BEST2: variants seen among roughly 807,000 people sequenced by gnomAD.
The protein encoded by BEST2 is bestrophin-2a.
BEST2 carries 36 observed loss-of-function variants against 49.0 expected under a neutral mutation model. The ratio of observed to expected loss-of-function variants is 0.73; its 90% confidence interval spans 0.56 to 0.97. The LOEUF (loss-of-function observed/expected upper bound fraction) is 0.97. Ranked by LOEUF, BEST2 falls within the 50% of genes least tolerant of loss-of-function variation. The pLI, the probability that BEST2 is intolerant of heterozygous loss-of-function variation, is 0.00. For missense variants in BEST2, 672 were observed against 710.0 expected, an observed-to-expected ratio of 0.95 and a Z score of 0.61; for synonymous variants, 335 against 304.4, an observed-to-expected ratio of 1.10 and a Z score of -1.05.
chr19:12,757,524 G>T, intron 9 of BEST2, 127 bp from the exon 10 acceptor site: 1 of 1,064,106 alleles, frequency 9.4e-7, no homozygotes, highest in Non-Finnish European at 1.3e-6. Flanking sequence ...TCTGGGTTTA[G>T]GAGCTAAGAT....
Position 12,758,068 on chromosome 19 carries a change from T to C in BEST2, c.1521T>C (p.Asn507=), listed in dbSNP as rs767983168. 20 of 1,612,828 alleles carry C rather than the reference T, an allele frequency of 1.2e-5. No individual in the cohort carries two copies. The highest frequency in any genetic ancestry group is 1.7e-5 in the Non-Finnish European group (20 of 1,179,820). The change falls in exon 10 of 10, where the codon AAT becomes AAC. Residue 507 remains asparagine (N), a synonymous_variant. Coordinates refer to ENST00000553030, the MANE Select transcript of BEST2 (RefSeq NM_017682.3). ...LPSPIGEEEE[N]LA ...GCCCTATTGGCGAGGAGGAGGAGAA[T>C]CTGGCCTGAGATCTTAGAGCCCAGC...
intron 3 of BEST2, among the ~76,000 whole-genome samples, 173 bp from the exon 4 acceptor site, chr19:12,754,379 T>C (rs1967909354): frequency 6.6e-6 from 1 of 152,080 alleles, no homozygotes; most frequent in Admixed American, 6.5e-5. Flanking sequence ...GCAACTGTCC[T>C]TTCTGACCTC....
rs1031229073 is a variant in BEST2 at position 12,755,257 on chromosome 19, C to T, written c.637-122C>T. 4 of 1,139,832 alleles carry T rather than the reference C, an allele frequency of 3.5e-6. No individual in the cohort carries two copies. In the African/African-American group the frequency reaches 4.6e-5, roughly 13 times the overall value. The allele number at this position is 1,139,832 out of a possible 1,614,324, so 70.6% of individuals were successfully genotyped here. ...TCACCACCAAATACCCTCCCTGGAA[C>T]CCCCAAAGCACACTCCCAATTCCCA... On this transcript the variant is annotated intron_variant, in intron 5 of 9. Transcript: ENST00000553030. The surrounding 1 kb of genome is among the most constrained non-coding windows in gnomAD (Gnocchi z 4.4).
rs147426341 is a variant in BEST2 at position 12,757,036 on chromosome 19, G to A, written c.1104-615G>A. Among the ~76,000 whole-genome samples, 828 of 151,936 alleles carry A rather than the reference G, an allele frequency of 5.4e-3. 7 individuals carry two copies. The highest frequency in any genetic ancestry group is 0.019 in the African/African-American group (796 of 41,410). On this transcript the variant is annotated intron_variant, in intron 9 of 9. Coordinates refer to ENST00000553030, the MANE Select transcript of BEST2 (RefSeq NM_017682.3). ...CTCACGCCTGTAATCCCAGCTAATC[G>A]GGAGGCTGAGGCAGGAGAATCACTT...
In BEST2 at chr19:12,753,361, T is replaced by C; in HGVS notation, c.247+7T>C. On this transcript the variant is annotated splice_region_variant and intron_variant, in intron 3 of 9. Transcript: ENST00000553030. ...CCTGTCTCCTTCGTGCTTGGTGCGG[T>C]CCAACCCCAAGTCCCCCGTTCCCAT... 1 of 1,613,500 alleles carries C rather than the reference T, an allele frequency of 6.2e-7. No homozygotes were observed. Among genetic ancestry groups the C allele is most frequent in the Non-Finnish European group, 8.5e-7 (1 of 1,179,506 alleles).
At position 12,754,728 on chromosome 19, in the gene BEST2, TC is replaced by T; in HGVS notation, c.426del (p.Val143SerfsTer12). ...AGLSAVLILR[S>X]VSTAVFKRFP... ...GCTCTCGGCCGTGCTCATCCTGCGCTCCGTCAGCACCGCGGTGTTCAAGCGC... is the reference window on the plus strand; with the variant it reads ...GCTCTCGGCCGTGCTCATCCTGCGCTCGTCAGCACCGCGGTGTTCAAGCGC... On this transcript the variant is annotated frameshift_variant, in exon 4 of 10. Transcript: ENST00000553030. LOFTEE classifies it high-confidence loss of function. 6.3e-7 allele frequency: 1 copy of T among 1,593,580 alleles called. No homozygotes were observed. The highest frequency in any genetic ancestry group is 1.1e-5 in the South Asian group (1 of 87,852).
At position 12,755,530 on chromosome 19, in the gene BEST2, A is replaced by C; in HGVS notation, c.714+74A>C. On this transcript the variant is annotated intron_variant, in intron 6 of 9. Coordinates refer to ENST00000553030, the MANE Select transcript of BEST2 (RefSeq NM_017682.3). This position sits in a 1 kb window ranked among gnomAD's most constrained non-coding sequence, Gnocchi z 4.4. The stretch of plus-strand genomic sequence containing the variant: ...CCTGGTTTCCAAGGGGAAACCAAGA[A>C]CTAGCTAAGACCCCCATCATAATGA... 6.2e-7 allele frequency: 1 copy of C among 1,608,962 alleles called. No individual in the cohort carries two copies. Among genetic ancestry groups the C allele is most frequent in the South Asian group, 1.1e-5 (1 of 90,970 alleles).
chr19:12,757,961 A>G lies in BEST2; in HGVS notation c.1414A>G (p.Thr472Ala). The G allele has an allele frequency of 6.2e-7, 1 of 1,605,292 alleles. No individual in the cohort carries two copies. ...APPPAGPEPL[T>A]LIPGPVEPFS... ...GCCCCCTGCGGGTCCCGAACCGCTT[A>G]CCCTCATCCCTGGGCCTGTCGAGCC... Residue 472 changes from threonine (T) to alanine (A), a missense_variant, in exon 10 of 10, where the codon ACC (threonine) becomes GCC (alanine). Physicochemically the swap from Thr to Ala is moderately conservative, Grantham distance 58 (BLOSUM62 0). Coordinates refer to ENST00000553030, the MANE Select transcript of BEST2 (RefSeq NM_017682.3).
In BEST2 at chr19:12,755,765, A is replaced by AAGGT; in HGVS notation, c.867+3_867+6dup. The AAGGT allele has an allele frequency of 1.2e-6, 2 of 1,613,996 alleles. 1 individual carries two copies. Among genetic ancestry groups the AAGGT allele is most frequent in the Non-Finnish European group, 1.7e-6 (2 of 1,179,932 alleles). On this transcript the variant is annotated frameshift_variant and splice_region_variant, in exon 7 of 10. Transcript: ENST00000553030. LOFTEE classifies it high-confidence loss of function. The surrounding 1 kb of genome is among the most constrained non-coding windows in gnomAD (Gnocchi z 4.4). ...GTTCTTCTTCTACGCCGGCTGGCTC[A>AAGGT]AGGTAGGTGGGTGATCCAGGCTGGA...
rs748470397 is a variant in BEST2, at chr19:12,755,890, C to T, written c.903C>T (p.Asp301=). ...AEQLINPFGE[D]DDDFETNFLI... is the part of the protein sequence containing the mutation. Reference sequence around the variant, plus strand: ...AGCTCATCAACCCCTTCGGAGAGGACGATGATGACTTTGAGACCAACTTTC... The same window carrying T: ...AGCTCATCAACCCCTTCGGAGAGGATGATGATGACTTTGAGACCAACTTTC... Residue 301 remains aspartate, a synonymous_variant, in exon 8 of 10, where the codon GAC becomes GAT. Coordinates refer to ENST00000553030, the MANE Select transcript of BEST2 (RefSeq NM_017682.3). The surrounding 1 kb of genome is among the most constrained non-coding windows in gnomAD (Gnocchi z 4.4). The T allele has an allele frequency of 9.9e-6, 16 of 1,614,054 alleles. No homozygotes were observed. In the Admixed American group the frequency reaches 1.3e-4, roughly 13 times the overall value.
chr19:12,751,849 G>A lies in BEST2; in HGVS notation c.-52+10G>A, dbSNP rs1967872222. On this transcript the variant is annotated intron_variant, in intron 1 of 9. Transcript: ENST00000553030. Reference sequence around the variant, plus strand: ...GCCACCTTCAACACAGGTGAGATGAGCCCAGGCTTGGGGAAATAGGGGGCC... The same window carrying A: ...GCCACCTTCAACACAGGTGAGATGAACCCAGGCTTGGGGAAATAGGGGGCC... The A allele has an allele frequency of 6.5e-6, 1 of 152,720 alleles. No homozygotes were observed. 9.5% of individuals were successfully genotyped at this position (152,720 alleles called of 1,614,324 possible). A position where few individuals can be genotyped will look rare whatever the true frequency, so the allele number is the denominator to read the frequency against.
chr19:12,758,341 C>A lies in BEST2; in HGVS notation c.*264C>A. On this transcript the variant is annotated 3_prime_UTR_variant, in exon 10 of 10. Transcript: ENST00000553030. Reference sequence around the variant, plus strand: ...TATCAGTGTCCTGCCTGAATTCTTTCCTTCAAGTGAAGATGTGACTGACTA... The same window carrying A: ...TATCAGTGTCCTGCCTGAATTCTTTACTTCAAGTGAAGATGTGACTGACTA... 2 of 527,056 alleles carry A rather than the reference C, an allele frequency of 3.8e-6. No homozygotes were observed. Among genetic ancestry groups the A allele is most frequent in the Non-Finnish European group, 3.3e-6 (1 of 302,250 alleles). 32.6% of individuals were successfully genotyped at this position (527,056 alleles called of 1,614,324 possible). A position where few individuals can be genotyped will look rare whatever the true frequency, so the allele number is the denominator to read the frequency against.
At position 12,757,923 on chromosome 19, in the gene BEST2, A is replaced by G. The variant is rs760066352; in HGVS notation, c.1376A>G (p.Glu459Gly). 2 of 1,566,346 alleles carry G rather than the reference A, an allele frequency of 1.3e-6. No homozygotes were observed. The highest frequency in any genetic ancestry group is 3.8e-5 in the Admixed American group (2 of 52,010). ...GDPLLDPGLPEPEAPPPAGPE... is the reference protein window; with the variant it reads ...GDPLLDPGLPGPEAPPPAGPE... ...CCGCTGCTCGACCCCGGCCTGCCGG[A>G]GCCCGAGGCCCCGCCCCCTGCGGGT... The change falls in exon 10 of 10, where the codon GAG becomes GGG. Residue 459 changes from glutamate (E) to glycine (G), a missense_variant. Transcript: ENST00000553030.
Position 12,753,322 on chromosome 19 carries a change from A to C in BEST2, c.215A>C (p.Tyr72Ser). 6.2e-7 allele frequency: 1 copy of C among 1,614,108 alleles called. No individual in the cohort carries two copies. The highest frequency in any genetic ancestry group is 8.5e-7 in the Non-Finnish European group (1 of 1,179,982). The change falls in exon 3 of 10, where the codon TAT becomes TCT. Residue 72 changes from tyrosine to serine, a missense_variant. By Grantham distance (144) the Tyr-to-Ser change is moderately radical. This residue lies in a region of BEST2 where 365 missense variants were observed against 390.9 expected (regional missense o/e 0.93). Coordinates refer to ENST00000553030, the MANE Select transcript of BEST2 (RefSeq NM_017682.3). ...FEKLVIYCDQYASLIPVSFVL... is the reference protein window; with the variant it reads ...FEKLVIYCDQSASLIPVSFVL... ...AAGCTTGTGATTTATTGTGACCAGT[A>C]TGCCAGCCTCATCCCTGTCTCCTTC...
chr19:12,755,189 A>AG lies in BEST2; in HGVS notation c.636+162dup, dbSNP rs1168768440. ...CATGGGGCTGATTCCAATGCCCTTGAGGGGCAGCTCCTGGGTGCATGGTAC... is the reference window on the plus strand; with the variant it reads ...CATGGGGCTGATTCCAATGCCCTTGAGGGGGCAGCTCCTGGGTGCATGGTAC... On this transcript the variant is annotated intron_variant, in intron 5 of 9. Coordinates refer to ENST00000553030, the MANE Select transcript of BEST2 (RefSeq NM_017682.3). The surrounding 1 kb of genome is among the most constrained non-coding windows in gnomAD (Gnocchi z 4.4). Among the ~76,000 whole-genome samples the AG allele has an allele frequency of 1.3e-5, 2 of 152,038 alleles. No homozygotes were observed. Among genetic ancestry groups the AG allele is most frequent in the African/African-American group, 4.8e-5 (2 of 41,378 alleles).
At position 12,758,067 on chromosome 19, in the gene BEST2, A is replaced by C; in HGVS notation, c.1520A>C (p.Asn507Thr). ...LPSPIGEEEE[N>T]LA ...AGCCCTATTGGCGAGGAGGAGGAGA[A>C]TCTGGCCTGAGATCTTAGAGCCCAG... The change falls in exon 10 of 10, where the codon AAT (asparagine) becomes ACT (threonine). Residue 507 changes from asparagine to threonine, a missense_variant. By Grantham distance (65) the Asn-to-Thr change is moderately conservative. Transcript: ENST00000553030. 2.5e-6 allele frequency: 4 copies of C among 1,612,880 alleles called. No individual in the cohort carries two copies. The highest frequency in any genetic ancestry group is 3.4e-6 in the Non-Finnish European group (4 of 1,179,840).
In BEST2 at chr19:12,753,239, C is replaced by T. The variant is rs1967892805; in HGVS notation, c.153-21C>T. The T allele has an allele frequency of 2.5e-6, 4 of 1,612,202 alleles. No individual in the cohort carries two copies. The Admixed American group carries it at 5.0e-5, about 20-fold the overall frequency. On this transcript the variant is annotated intron_variant, in intron 2 of 9. Transcript: ENST00000553030. Reference sequence around the variant, plus strand: ...ATGGAGTCACCCTTGTGACCTGTGACCCCTCATCTCTATCCCGCAGCTTTG... The same window carrying T: ...ATGGAGTCACCCTTGTGACCTGTGATCCCTCATCTCTATCCCGCAGCTTTG...
chr19:12,756,339 G>A (rs1162120223), intron 9 of BEST2, 44 bp downstream of exon 9: 1 of 1,598,346 alleles, frequency 6.3e-7, no homozygotes, highest in Non-Finnish European at 8.5e-7. Context: ...CAGGGCTTAT[G>A]GCTCTGCGGG....
rs898722823 is a variant in BEST2 at position 12,757,926 on chromosome 19, C to T, written c.1379C>T (p.Pro460Leu). The T allele has an allele frequency of 1.8e-5, 29 of 1,568,738 alleles. No homozygotes were observed. The highest frequency in any genetic ancestry group is 2.4e-5 in the Non-Finnish European group (28 of 1,158,958). The change falls in exon 10 of 10, where the codon CCC (proline) becomes CTC (leucine). Residue 460 changes from proline to leucine, a missense_variant. Coordinates refer to ENST00000553030, the MANE Select transcript of BEST2 (RefSeq NM_017682.3). ...DPLLDPGLPE[P>L]EAPPPAGPEP... The stretch of plus-strand genomic sequence containing the variant: ...CTGCTCGACCCCGGCCTGCCGGAGC[C>T]CGAGGCCCCGCCCCCTGCGGGTCCC...
Sources: allele counts gnomAD v4.1 joint callset (sites outside exome capture counted in the v4.1 genomes callset), GRCh38; gene constraint gnomAD v4.1.1; regional missense constraint gnomAD v4.1.1; non-coding constraint Gnocchi (gnomAD v3.1); transcripts MANE v1.5; gene names NCBI Gene and HGNC (gene_info 2026-07-23, HGNC 2026-07-21).